Variants in OPCML observed in about 807,000 individuals in gnomAD.
OPCML encodes opioid binding protein/cell adhesion molecule like, also known as opioid-binding protein/cell adhesion molecule.
OPCML carries 13 observed loss-of-function variants against 37.8 expected under a neutral mutation model. The observed-to-expected ratio is 0.34, with a 90% CI of 0.22 to 0.55. OPCML has a LOEUF of 0.55. Among genes scored for constraint, OPCML ranks in the 20% least tolerant of loss-of-function variants. The pLI is 0.91. For synonymous variants in OPCML, 176 were observed against 168.8 expected (o/e 1.04, Z -0.33); for missense variants, 341 against 435.6 (o/e 0.78, Z 1.93).
At chr11:133,131,446 G>A (rs1273598519) in intron 1 of OPCML, among the ~76,000 whole-genome samples, 1 of 152,126 alleles carries the variant, frequency 6.6e-6, no homozygotes, top group Non-Finnish European at 1.5e-5. Flanking sequence ...AGAATGACAA[G>A]TTAAAACAAC....
chr11:133,217,028 C>A (rs1683974738), intron 1 of OPCML, among the ~76,000 whole-genome samples: 2 of 152,186 alleles, frequency 1.3e-5, no homozygotes, highest in African/African-American at 4.8e-5. Flanking sequence ...CTTGGTTTAA[C>A]TTGCAGATTG....
chr11:133,373,868 A>T (rs914834441), intron 1 of OPCML, among the ~76,000 whole-genome samples: 2 of 152,152 alleles, frequency 1.3e-5, no homozygotes, highest in Admixed American at 1.3e-4. Flanking sequence ...ATAGTTTTCC[A>T]TCATATGCAT....
intron 3 of OPCML, among the ~76,000 whole-genome samples, chr11:132,560,551 A>G (rs762074861): frequency 2.0e-5 from 3 of 152,170 alleles, no homozygotes; most frequent in Non-Finnish European, 2.9e-5. Flanking sequence ...TGTATCATTC[A>G]TACATCTTTG....
At chr11:132,631,043 A>T (rs1940069806) in intron 3 of OPCML, among the ~76,000 whole-genome samples, 1 of 152,152 alleles carries the variant, frequency 6.6e-6, no homozygotes, top group Admixed American at 6.5e-5. Flanking sequence ...GTATAAAATC[A>T]TACATAAGAA....
At chr11:132,569,884 C>G (rs1432954507) in intron 3 of OPCML, among the ~76,000 whole-genome samples, 1 of 151,358 alleles carries the variant, frequency 6.6e-6, no homozygotes, top group Non-Finnish European at 1.5e-5. Flanking sequence ...ATACAAACAT[C>G]TTAAATCATA....
At chr11:132,598,410 G>A (rs186162997) in intron 3 of OPCML, among the ~76,000 whole-genome samples, 25 of 152,212 alleles carry the variant, frequency 1.6e-4, no homozygotes, top group African/African-American at 5.5e-4. Flanking sequence ...TGGGAGACAC[G>A]CAGATGCTCA....
At chr11:132,437,127 G>A (rs2096015653) in intron 5 of OPCML, 95 bp downstream of exon 5, 1 of 1,528,526 alleles carries the variant, frequency 6.5e-7, no homozygotes, top group East Asian at 2.3e-5. Flanking sequence ...GCAGGAACCT[G>A]GGTCCTTTGG....
At chr11:132,910,198 C>T (rs1383110605) in intron 2 of OPCML, among the ~76,000 whole-genome samples, 1 of 152,208 alleles carries the variant, frequency 6.6e-6, no homozygotes, top group Admixed American at 6.5e-5. Context: ...TAAATCTCAG[C>T]CGCATTCCCG....
rs181548267 is a variant in OPCML at position 133,101,804 on chromosome 11, C to T, written c.62-158794G>A. Among the ~76,000 whole-genome samples the T allele has an allele frequency of 1.9e-3, 283 of 152,208 alleles. 1 individual carries two copies. The highest frequency in any genetic ancestry group is 3.1e-3 in the Non-Finnish European group (211 of 68,014). ...AAACTTTGTTAATAATTGTCCAAAA[C>T]TTGGGAGCAACCAAAGTGTCCTTCA... On this transcript the variant is annotated intron_variant, in intron 1 of 7. Coordinates refer to ENST00000524381, the MANE Select transcript of OPCML (RefSeq NM_001012393.5).
At chr11:133,358,007 T>A (rs1944329178) in intron 1 of OPCML, among the ~76,000 whole-genome samples, 1 of 152,142 alleles carries the variant, frequency 6.6e-6, no homozygotes, top group South Asian at 2.1e-4. Flanking sequence ...GACACTCCAG[T>A]GCGAGGGCCC....
In OPCML at chr11:132,943,821, G is replaced by C. The variant is rs1188962226; in HGVS notation, c.62-811C>G. 6.6e-6 allele frequency: 1 copy of C among 150,408 alleles called. No individual in the cohort carries two copies. The highest frequency in any genetic ancestry group is 1.5e-5 in the Non-Finnish European group (1 of 67,484). The allele number at this position is 150,408 out of a possible 1,614,324, so 9.3% of individuals were successfully genotyped here. A position where few individuals can be genotyped will look rare whatever the true frequency, so the allele number is the denominator to read the frequency against. ...GGACGGCGGCCCCCGCCTCCTCCGG[G>C]GACGCGGCACGAGACGCGGGGACGC... On this transcript the variant is annotated intron_variant, in intron 1 of 7. Transcript: ENST00000524381. This position sits in a 1 kb window ranked among gnomAD's most constrained non-coding sequence, Gnocchi z 4.3.
Position 132,883,416 on chromosome 11 carries a change from AAGAAGGCTATTGT to A in OPCML, c.146+59497_146+59509del, listed in dbSNP as rs556247883. 3.3e-3 allele frequency among the ~76,000 whole-genome samples: 498 copies of A among 152,338 alleles called. 3 individuals carry two copies. Among genetic ancestry groups the A allele is most frequent in the African/African-American group, 0.012 (483 of 41,582 alleles). ...CACAGGATTAATTAGTCCTGCAGAC[AAGAAGGCTATTGT>A]AGAAGGCTGTTAGAGAGCTGCAAAA... is the stretch of plus-strand genomic sequence containing the variant. On this transcript the variant is annotated intron_variant, in intron 2 of 7. Transcript: ENST00000524381.
At chr11:132,482,166 C>T (rs1393144493) in intron 4 of OPCML, among the ~76,000 whole-genome samples, 7 of 150,032 alleles carry the variant, frequency 4.7e-5, no homozygotes, top group African/African-American at 1.7e-4. Context: ...AATTGATAGA[C>T]TGCTAGCAAG....
chr11:133,152,571 C>T (rs1264152187), intron 1 of OPCML, among the ~76,000 whole-genome samples: 1 of 45,678 alleles, frequency 2.2e-5, no homozygotes, highest in African/African-American at 1.9e-4. Flanking sequence ...CCCTCCTGAT[C>T]CCCCCCCAAC....
chr11:133,353,444 G>A (rs1418656528), intron 1 of OPCML, among the ~76,000 whole-genome samples: 1 of 152,108 alleles, frequency 6.6e-6, no homozygotes, highest in Non-Finnish European at 1.5e-5. Context: ...ACAGGCATGA[G>A]CCACCGTGAC....
chr11:133,221,440 A>AC (rs2136363848), intron 1 of OPCML, among the ~76,000 whole-genome samples: 1 of 152,306 alleles, frequency 6.6e-6, no homozygotes, highest in Admixed American at 6.5e-5. Context: ...CGTGGAGCTA[A>AC]CACTAGCTCC....
chr11:133,319,520 A>ATC (rs1178050111), intron 1 of OPCML, among the ~76,000 whole-genome samples: 134 of 152,334 alleles, frequency 8.8e-4, no homozygotes, highest in African/African-American at 3.1e-3. Context: ...AGAAAGGAAG[A>ATC]ATACCCATAA....
At chr11:133,405,628 G>A (rs763962296) in intron 1 of OPCML, among the ~76,000 whole-genome samples, 4 of 152,104 alleles carry the variant, frequency 2.6e-5, no homozygotes, top group South Asian at 2.1e-4. Flanking sequence ...TTTCTTTTGC[G>A]TGATCTGGCT....
chr11:133,439,459 T>C (rs1361913599), intron 1 of OPCML: 1 of 984,750 alleles, frequency 1.0e-6, no homozygotes, highest in Non-Finnish European at 1.2e-6. Flanking sequence ...TTTTTGTTTT[T>C]CTTTGTTTTT....
Sources: gnomAD v4.1 joint callset for allele counts (sites outside exome capture counted in the v4.1 genomes callset) on GRCh38, gnomAD v4.1.1 for gene constraint, Gnocchi (gnomAD v3.1) non-coding constraint, MANE v1.5 for transcripts, NCBI Gene and HGNC (gene_info 2026-07-23, HGNC 2026-07-21) for gene names.